Variants in UNC13B observed in about 807,000 individuals in gnomAD.
UNC13B encodes protein unc-13 homolog B.
In UNC13B, 144 loss-of-function variants were observed where a neutral mutation model predicts 211.0. The observed-to-expected ratio is 0.68, with a 90% CI of 0.60 to 0.78. The LOEUF (loss-of-function observed/expected upper bound fraction) is 0.78. UNC13B is among the 30% of genes least tolerant of loss of function. The pLI is 0.00. For synonymous variants in UNC13B, 709 were observed against 725.8 expected, an observed-to-expected ratio of 0.98 and a Z score of 0.37; for missense variants, 1,777 against 2,002.0, an observed-to-expected ratio of 0.89 and a Z score of 2.14.
chr9:35,330,296 C>T (rs911559271), intron 11 of UNC13B, among the ~76,000 whole-genome samples: 1 of 152,204 alleles, frequency 6.6e-6, no homozygotes, highest in Non-Finnish European at 1.5e-5. Flanking sequence ...TCTGTCATGA[C>T]CTTTCTAGCC....
Position 35,302,144 on chromosome 9 carries a change from G to A in UNC13B, c.2740G>A (p.Glu914Lys). Residue 914 changes from glutamate (E) to lysine (K), a missense_variant, in exon 9 of 40, where the codon GAG becomes AAG. Physicochemically the swap from Glu to Lys is moderately conservative, Grantham distance 56 (BLOSUM62 1). Transcript: ENST00000635942. ...TGGCTCAGCAGTAACCACTGATGAG[G>A]AGAGCAAAAAAAATTGCCATGAAGA... ...LRGSAVTTDE[E>K]SKKNCHEDTK... is the part of the protein sequence containing the mutation. The A allele has an allele frequency of 2.5e-6, 1 of 398,608 alleles. No individual in the cohort carries two copies. The highest frequency in any genetic ancestry group is 4.4e-6 in the Non-Finnish European group (1 of 225,788). The allele number at this position is 398,608 out of a possible 1,614,324, so 24.7% of individuals were successfully genotyped here. A position where few individuals can be genotyped will look rare whatever the true frequency, so the allele number is the denominator to read the frequency against.
At chr9:35,176,431 C>T (rs1425914117) in intron 1 of UNC13B, among the ~76,000 whole-genome samples, 2 of 152,036 alleles carry the variant, frequency 1.3e-5, no homozygotes, top group African/African-American at 4.8e-5. Flanking sequence ...GCCTGTAATC[C>T]CAGCTACTCG....
chr9:35,210,055 CA>C (rs1823883645), intron 1 of UNC13B, among the ~76,000 whole-genome samples: 1 of 151,884 alleles, frequency 6.6e-6, no homozygotes, highest in Non-Finnish European at 1.5e-5. Context: ...GCCTGGACAA[CA>C]AAATAATACC....
At chr9:35,296,796 C>T (rs1829383026) in intron 8 of UNC13B, among the ~76,000 whole-genome samples, 1 of 152,142 alleles carries the variant, frequency 6.6e-6, no homozygotes, top group Non-Finnish European at 1.5e-5. Flanking sequence ...TATTGTGTTA[C>T]TTCATCAGAA....
chr9:35,232,177 C>CTTTCTTTTTTTTTTTTTTT (rs1825243460), intron 3 of UNC13B, among the ~76,000 whole-genome samples: 1 of 31,536 alleles, frequency 3.2e-5, no homozygotes, highest in African/African-American at 1.2e-4. Flanking sequence ...TATATTGCTG[C>CTTTCTTTTTTTTTTTTTTT]TTTTTTTTTT....
chr9:35,162,272 C>A lies in UNC13B; in HGVS notation c.-12C>A. ...GGCTGGGGCGCGGCAGAGGCTTGCCCGATCCTCGGCCATGTCACTGCTCTG... is the reference window on the plus strand; with the variant it reads ...GGCTGGGGCGCGGCAGAGGCTTGCCAGATCCTCGGCCATGTCACTGCTCTG... On this transcript the variant is annotated 5_prime_UTR_variant, in exon 1 of 40. Coordinates refer to ENST00000635942, the MANE Select transcript of UNC13B (RefSeq NM_001371189.2). The A allele has an allele frequency of 1.9e-6, 3 of 1,540,874 alleles. No homozygotes were observed.
intron 1 of UNC13B, among the ~76,000 whole-genome samples, chr9:35,189,174 A>C (rs2131334672): frequency 6.6e-6 from 1 of 152,340 alleles, no homozygotes; most frequent in African/African-American, 2.4e-5. Flanking sequence ...TTACTAAAAA[A>C]CGCATTTTAC....
intron 1 of UNC13B, among the ~76,000 whole-genome samples, chr9:35,207,506 A>ATTTATTTATTTC (rs2131403111): frequency 6.6e-6 from 1 of 150,588 alleles, no homozygotes; most frequent in South Asian, 2.1e-4. Context: ...TTATTTATTT[A>ATTTATTTATTTC]TTTATTTAGT....
At chr9:35,172,403 C>T (rs894353181) in intron 1 of UNC13B, among the ~76,000 whole-genome samples, 6 of 152,078 alleles carry the variant, frequency 3.9e-5, no homozygotes, top group Non-Finnish European at 8.8e-5. Flanking sequence ...CTATCGAATA[C>T]TAGATCTTAT....
chr9:35,265,854 C>G (rs578015299), intron 7 of UNC13B, among the ~76,000 whole-genome samples: 29 of 152,290 alleles, frequency 1.9e-4, no homozygotes, highest in African/African-American at 6.3e-4. Flanking sequence ...TGGAGTCTCT[C>G]TCACTCTGTC....
intron 1 of UNC13B, among the ~76,000 whole-genome samples, chr9:35,208,573 G>GA (rs1823792606): frequency 6.6e-6 from 1 of 152,228 alleles, no homozygotes; most frequent in Admixed American, 6.5e-5. Flanking sequence ...GGTGGAAGGC[G>GA]AAAGGGAGGC....
In UNC13B at chr9:35,400,470, C is replaced by T. The variant is rs368972625; in HGVS notation, c.12484+27C>T. 7 of 1,603,782 alleles carry T rather than the reference C, an allele frequency of 4.4e-6. No individual in the cohort carries two copies. The African/African-American group carries it at 8.0e-5, about 18-fold the overall frequency. ...TAAGGCCCTGAGGGCTTTGGGTATC[C>T]ACCTCTCCTCTCTGATACACATCTT... On this transcript the variant is annotated intron_variant, in intron 37 of 39. Transcript: ENST00000635942.
At chr9:35,398,345 C>A in intron 31 of UNC13B, 57 bp downstream of exon 31, 1 of 1,551,666 alleles carries the variant, frequency 6.4e-7, no homozygotes, top group Non-Finnish European at 8.8e-7. Flanking sequence ...AGCTCCTTGG[C>A]CATAGAACTC....
chr9:35,379,046 C>T (rs999859453), intron 17 of UNC13B, among the ~76,000 whole-genome samples: 2 of 152,178 alleles, frequency 1.3e-5, no homozygotes, highest in Non-Finnish European at 2.9e-5. Flanking sequence ...TGAGAATCCA[C>T]ATGCTTTGTC....
intron 1 of UNC13B, among the ~76,000 whole-genome samples, chr9:35,182,773 G>T (rs948048014): frequency 6.6e-6 from 1 of 152,218 alleles, no homozygotes; most frequent in African/African-American, 2.4e-5. Flanking sequence ...ATGTTTCAGA[G>T]AGCACTGGGT....
intron 11 of UNC13B, among the ~76,000 whole-genome samples, chr9:35,363,091 G>A (rs982496905): frequency 2.6e-5 from 4 of 152,144 alleles, no homozygotes; most frequent in African/African-American, 9.7e-5. Context: ...AGTATGTGAC[G>A]TCTTTGTGAA....
At chr9:35,324,585 T>G (rs756523000) in intron 11 of UNC13B, among the ~76,000 whole-genome samples, 8 of 152,200 alleles carry the variant, frequency 5.3e-5, no homozygotes, top group Non-Finnish European at 1.0e-4. Context: ...TCCTAACTGA[T>G]AACTTAGTGG....
At chr9:35,310,225 T>G (rs1460019967) in intron 9 of UNC13B, among the ~76,000 whole-genome samples, 1 of 152,182 alleles carries the variant, frequency 6.6e-6, no homozygotes, top group Non-Finnish European at 1.5e-5. Flanking sequence ...TACTTCAAAG[T>G]CAAGTGCAGA....
intron 7 of UNC13B, among the ~76,000 whole-genome samples, chr9:35,282,304 A>G (rs965902288): frequency 2.6e-5 from 4 of 152,210 alleles, no homozygotes; most frequent in African/African-American, 9.6e-5. Flanking sequence ...CCCAACTTTT[A>G]TAATAATTAC....
Sources: gnomAD v4.1 joint callset for allele counts (sites outside exome capture counted in the v4.1 genomes callset) on GRCh38, gnomAD v4.1.1 for gene constraint, MANE v1.5 for transcripts, NCBI Gene and HGNC (gene_info 2026-07-23, HGNC 2026-07-21) for gene names.